Variants in PTHLH observed in about 807,000 individuals in gnomAD.
The protein encoded by PTHLH is parathyroid hormone like hormone.
In PTHLH, 5 loss-of-function variants were observed where a neutral mutation model predicts 18.6. The ratio of observed to expected loss-of-function variants is 0.27; its 90% confidence interval spans 0.14 to 0.56. The LOEUF is 0.56. PTHLH is among the 20% of genes least tolerant of loss of function. The pLI is 0.92. For missense variants in PTHLH, 207 were observed against 223.9 expected, an observed-to-expected ratio of 0.92 and a Z score of 0.48; for synonymous variants, 90 against 94.0, an observed-to-expected ratio of 0.96 and a Z score of 0.25.
chr12:27,964,807 C>CTTGCTTAAATGTCCATT (rs1189620628), intron 4 of PTHLH, among the ~76,000 whole-genome samples: 1 of 152,190 alleles, frequency 6.6e-6, no homozygotes, highest in African/African-American at 2.4e-5. Context: ...CACCCAAACT[C>CTTGCTTAAATGTCCATT]TTGCTTAAAT....
intron 4 of PTHLH, among the ~76,000 whole-genome samples, chr12:27,966,216 T>C (rs553151756): frequency 3.3e-5 from 5 of 152,232 alleles, no homozygotes; most frequent in Non-Finnish European, 7.3e-5. Context: ...GCAGTGATCA[T>C]TCCATCCTTC....
At chr12:27,962,614 G>T (rs989887039) in intron 5 of PTHLH, 10 of 985,254 alleles carry the variant, frequency 1.0e-5, no homozygotes, top group Non-Finnish European at 1.2e-5. Flanking sequence ...TTTTCCTACG[G>T]CATTACCCTA....
At chr12:27,964,038 T>C (rs1466565439) in intron 4 of PTHLH, among the ~76,000 whole-genome samples, 2 of 152,180 alleles carry the variant, frequency 1.3e-5, no homozygotes, top group Non-Finnish European at 2.9e-5. Context: ...CCTCATGGGC[T>C]TCAACTGTAT....
At position 27,969,488 on chromosome 12, in the gene PTHLH, G is replaced by T; in HGVS notation, c.7C>A (p.Arg3=). The T allele has an allele frequency of 6.3e-7, 1 of 1,580,628 alleles. No individual in the cohort carries two copies. Among genetic ancestry groups the T allele is most frequent in the South Asian group, 1.2e-5 (1 of 86,830 alleles). The part of the protein sequence containing the change: MQ[R]RLVQQWSVAV... ...ACGCTCCACTGCTGAACCAGTCTCC[G>T]CTGCATCGTCTCCGCTCGCGCTCGG... Residue 3 remains arginine (R), a synonymous_variant, in exon 4 of 6, where the codon CGG becomes AGG. Transcript: ENST00000545234.
intron 4 of PTHLH, 57 bp downstream of exon 4, chr12:27,969,337 G>T: frequency 6.7e-7 from 1 of 1,489,462 alleles, no homozygotes; most frequent in South Asian, 1.2e-5. Flanking sequence ...TCCCAGCTTG[G>T]CAGCCCCTCC....
rs1336443456 is a variant in PTHLH at position 27,960,526 on chromosome 12, T to G, written c.525-1958A>C. Among the ~76,000 whole-genome samples the G allele has an allele frequency of 2.0e-5, 3 of 151,980 alleles. No individual in the cohort carries two copies. In the East Asian group the frequency reaches 5.8e-4, roughly 29 times the overall value. Reference sequence around the variant, plus strand: ...TGAGGTCAGGAGTTCGAGACCAGCCTGGCCAACATGGCGAAACCCCATCTC... The same window carrying G: ...TGAGGTCAGGAGTTCGAGACCAGCCGGGCCAACATGGCGAAACCCCATCTC... On this transcript the variant is annotated intron_variant, in intron 5 of 5. Transcript: ENST00000545234.
At chr12:27,959,506 C>G (rs1295256145) in intron 5 of PTHLH, among the ~76,000 whole-genome samples, 2 of 152,236 alleles carry the variant, frequency 1.3e-5, no homozygotes, top group East Asian at 3.9e-4. Context: ...CTCCCTTTCT[C>G]TTCTCTTTGT....
At chr12:27,967,880 C>T (rs1334037715) in intron 4 of PTHLH, among the ~76,000 whole-genome samples, 1 of 152,094 alleles carries the variant, frequency 6.6e-6, no homozygotes, top group African/African-American at 2.4e-5. Context: ...TATTTTTATG[C>T]CATAGTTGTG....
intron 3 of PTHLH, 148 bp from the exon 4 acceptor site, chr12:27,969,664 A>G (rs2062851309): frequency 1.3e-6 from 1 of 795,076 alleles, no homozygotes; most frequent in Non-Finnish European, 2.2e-6. Flanking sequence ...ATTTCTCTGG[A>G]GCCTCTCAGC....
chr12:27,967,900 G>A (rs1014692530), intron 4 of PTHLH, among the ~76,000 whole-genome samples: 9 of 152,186 alleles, frequency 5.9e-5, no homozygotes, highest in Admixed American at 5.9e-4. Context: ...GTATATAATC[G>A]TGAATCATTT....
At chr12:27,959,968 G>A (rs2062740260) in intron 5 of PTHLH, among the ~76,000 whole-genome samples, 1 of 152,170 alleles carries the variant, frequency 6.6e-6, no homozygotes, top group Non-Finnish European at 1.5e-5. Context: ...AAAGAGGGAA[G>A]GAAGAGGATT....
At chr12:27,961,307 A>G (rs1166898787) in intron 5 of PTHLH, among the ~76,000 whole-genome samples, 3 of 63,256 alleles carry the variant, frequency 4.7e-5, no homozygotes, top group African/African-American at 1.6e-4. Context: ...ATACGTATAT[A>G]TATATATATA....
In PTHLH at chr12:27,963,582, G is replaced by C. The variant is rs1274454352; in HGVS notation, c.290C>G (p.Ser97Cys). ...AGTTAGGTATCTGCCCTCATCATCA[G>C]ACCCAAATCGGACGGGGTGGTTCTT... ...NTKNHPVRFG[S>C]DDEGRYLTQE... Residue 97 changes from serine (S) to cysteine (C), a missense_variant, in exon 5 of 6, where the codon TCT becomes TGT. Transcript: ENST00000545234. 3 of 1,614,166 alleles carry C rather than the reference G, an allele frequency of 1.9e-6. No individual in the cohort carries two copies. The highest frequency in any genetic ancestry group is 2.5e-6 in the Non-Finnish European group (3 of 1,180,040).
chr12:27,963,813 T>C lies in PTHLH; in HGVS notation c.102-43A>G, dbSNP rs1192702809. On this transcript the variant is annotated intron_variant, in intron 4 of 5. Coordinates refer to ENST00000545234, the MANE Select transcript of PTHLH (RefSeq NM_198965.2). ...AGAGGGGAAGAAAACAGTTAAATTT[T>C]AGTTGCTGATAGAGACAACAAAGAC... 5 of 1,585,624 alleles carry C rather than the reference T, an allele frequency of 3.2e-6. No individual in the cohort carries two copies. In the East Asian group the frequency reaches 1.1e-4, roughly 35 times the overall value.
At chr12:27,963,177 A>C in intron 5 of PTHLH, 171 bp downstream of exon 5, 1 of 1,498,426 alleles carries the variant, frequency 6.7e-7, no homozygotes, top group South Asian at 1.3e-5. Context: ...GTAGGGGGGT[A>C]CTGCTTTAAG....
intron 4 of PTHLH, among the ~76,000 whole-genome samples, chr12:27,966,674 A>G (rs1234902093): frequency 6.6e-6 from 1 of 152,208 alleles, no homozygotes; most frequent in Admixed American, 6.5e-5. Flanking sequence ...CAAAATGGAA[A>G]AACAGGTAGG....
chr12:27,968,489 CA>C (rs1245647986), intron 4 of PTHLH, among the ~76,000 whole-genome samples: 1 of 152,166 alleles, frequency 6.6e-6, no homozygotes, highest in African/African-American at 2.4e-5. Flanking sequence ...ACTGAGTCTG[CA>C]GTTTAAAGAT....
At chr12:27,965,254 T>G (rs1488775857) in intron 4 of PTHLH, among the ~76,000 whole-genome samples, 1 of 152,210 alleles carries the variant, frequency 6.6e-6, no homozygotes, top group Non-Finnish European at 1.5e-5. Context: ...TTCAATTTCC[T>G]CAACGCTTTC....
chr12:27,964,988 CA>C (rs2062798985), intron 4 of PTHLH, among the ~76,000 whole-genome samples: 1 of 152,332 alleles, frequency 6.6e-6, no homozygotes, highest in African/African-American at 2.4e-5. Flanking sequence ...AAGTGTTTCC[CA>C]GGGCTACATC....
Sources: allele counts gnomAD v4.1 joint callset (sites outside exome capture counted in the v4.1 genomes callset), GRCh38; gene constraint gnomAD v4.1.1; transcripts MANE v1.5; gene names NCBI Gene and HGNC (gene_info 2026-07-23, HGNC 2026-07-21).